Variants in STARD9 observed in about 807,000 individuals in gnomAD.
STARD9 encodes stAR-related lipid transfer protein 9.
STARD9 carries 346 observed loss-of-function variants against 399.8 expected under a neutral mutation model. The ratio of observed to expected loss-of-function variants is 0.87; its 90% CI spans 0.79 to 0.95. The LOEUF (loss-of-function observed/expected upper bound fraction) is 0.95. Ranked by LOEUF, STARD9 falls within the 40% of genes least tolerant of loss-of-function variation. The pLI, the probability that STARD9 is intolerant of heterozygous loss-of-function variation, is 0.00. For synonymous variants in STARD9, 2,203 were observed against 2,143.5 expected (o/e 1.03, Z -0.77); for missense variants, 5,832 against 5,667.5 (o/e 1.03, Z -0.93).
chr15:42,685,227 G>T lies in STARD9; in HGVS notation c.3649G>T (p.Asp1217Tyr). The T allele has an allele frequency of 6.5e-7, 1 of 1,537,312 alleles. No individual in the cohort carries two copies. The highest frequency in any genetic ancestry group is 1.2e-5 in the South Asian group (1 of 84,056). ...LIDAEEELGE[D>Y]QQEEPFPGSA... ...TGATGCAGAGGAAGAACTGGGGGAA[G>T]ATCAGCAAGAAGAACCTTTCCCTGG... Residue 1217 changes from aspartate (D) to tyrosine (Y), a missense_variant, in exon 23 of 33, where the codon GAT (aspartate) becomes TAT (tyrosine). Asp to Tyr is a radical substitution (Grantham distance 160). Coordinates refer to ENST00000290607, the MANE Select transcript of STARD9 (RefSeq NM_020759.3).
At position 42,690,596 on chromosome 15, in the gene STARD9, A is replaced by T; in HGVS notation, c.9018A>T (p.Glu3006Asp). Residue 3006 changes from glutamate to aspartate, a missense_variant, in exon 23 of 33, where the codon GAA becomes GAT. Around this residue, in one of 2 missense-constraint regions of STARD9, gnomAD observed 5,828 missense variants for 5,651.1 expected, o/e 1.03. Coordinates refer to ENST00000290607, the MANE Select transcript of STARD9 (RefSeq NM_020759.3). Reference sequence around the variant, plus strand: ...GTGTAGTACCTTCCAGGGCCTATGAAATGGATGAGACAGGAGAGATCTCTA... The same window carrying T: ...GTGTAGTACCTTCCAGGGCCTATGATATGGATGAGACAGGAGAGATCTCTA... ...PPCVVPSRAY[E>D]MDETGEISRG... The T allele has an allele frequency of 6.5e-7, 1 of 1,537,208 alleles. No homozygotes were observed. The highest frequency in any genetic ancestry group is 8.7e-7 in the Non-Finnish European group (1 of 1,146,904).
chr15:42,646,540 A>C (rs544743742), intron 7 of STARD9, among the ~76,000 whole-genome samples: 1 of 152,138 alleles, frequency 6.6e-6, no homozygotes, highest in East Asian at 1.9e-4. Flanking sequence ...CAGCTTCTTC[A>C]CTTCTCTCAG....
chr15:42,701,417 C>T (rs2060961311), intron 26 of STARD9, among the ~76,000 whole-genome samples: 1 of 152,152 alleles, frequency 6.6e-6, no homozygotes, highest in Non-Finnish European at 1.5e-5. Context: ...TAATTTCTTT[C>T]ATCCGTGTTT....
chr15:42,675,596 C>T, intron 18 of STARD9, 68 bp from the exon 19 acceptor site: 1 of 1,210,914 alleles, frequency 8.3e-7, no homozygotes, highest in Admixed American at 2.0e-5. Flanking sequence ...CAGAGCAGTG[C>T]CGTACACATA....
chr15:42,634,374 A>G (rs1459534393), intron 3 of STARD9, among the ~76,000 whole-genome samples: 2 of 152,128 alleles, frequency 1.3e-5, no homozygotes, highest in Non-Finnish European at 2.9e-5. Flanking sequence ...CTGAGGAGGG[A>G]GTGTGTAGAA....
intron 26 of STARD9, among the ~76,000 whole-genome samples, chr15:42,712,084 T>TATATATATA (rs2061239291): frequency 2.4e-5 from 1 of 42,096 alleles, no homozygotes; most frequent in Non-Finnish European, 3.5e-5. Context: ...ATATATATTA[T>TATATATATA]ATATATATAT....
intron 1 of STARD9, chr15:42,581,534 G>C: frequency 1.5e-6 from 2 of 1,307,206 alleles, no homozygotes; most frequent in Non-Finnish European, 2.1e-6. Context: ...GTAGGCGGCG[G>C]CGCCGGGCCG....
At chr15:42,619,450 A>G (rs1362200569) in intron 3 of STARD9, among the ~76,000 whole-genome samples, 1 of 151,968 alleles carries the variant, frequency 6.6e-6, no homozygotes, top group African/African-American at 2.4e-5. Flanking sequence ...CTGTAGTCCC[A>G]GCTACTTGAG....
At chr15:42,618,293 T>G (rs2059014166) in intron 3 of STARD9, among the ~76,000 whole-genome samples, 2 of 151,732 alleles carry the variant, frequency 1.3e-5, no homozygotes, top group Non-Finnish European at 2.9e-5. Flanking sequence ...CCACCACACC[T>G]GGCTAATTTT....
intron 17 of STARD9, 31 bp downstream of exon 17, chr15:42,674,522 T>C (rs2060269650): frequency 6.5e-7 from 1 of 1,529,992 alleles, no homozygotes; most frequent in Middle Eastern, 1.7e-4. Flanking sequence ...GTCCAGCATT[T>C]TGGGGCTAGT....
At chr15:42,600,235 G>A (rs2141744613) in intron 3 of STARD9, among the ~76,000 whole-genome samples, 1 of 152,294 alleles carries the variant, frequency 6.6e-6, no homozygotes, top group East Asian at 1.9e-4. Context: ...TGGATACTTA[G>A]TTGAGTCCAG....
chr15:42,617,398 T>C (rs77736048), intron 3 of STARD9, among the ~76,000 whole-genome samples: 1 of 152,310 alleles, frequency 6.6e-6, no homozygotes, highest in African/African-American at 2.4e-5. Context: ...GTTTTGCTCT[T>C]CTTGTCCAGG....
At chr15:42,694,879 G>C (rs1261133103) in intron 24 of STARD9, among the ~76,000 whole-genome samples, 154 bp downstream of exon 24, 1 of 151,486 alleles carries the variant, frequency 6.6e-6, no homozygotes, top group Admixed American at 6.6e-5. Context: ...GAGGGAGGGG[G>C]TGGGCAGAGA....
rs2060290485 is a variant in STARD9, at chr15:42,675,444, A to G, written c.1688-220A>G. The G allele has an allele frequency of 5.5e-6, 3 of 547,318 alleles. No homozygotes were observed. The East Asian group carries it at 9.5e-5, about 17-fold the overall frequency. 33.9% of individuals were successfully genotyped at this position (547,318 alleles called of 1,614,324 possible). ...GTGTTCCCTGACTACTCCACCTGGA[A>G]CTCAACTTCCTTTCCCTTGGAATAG... On this transcript the variant is annotated intron_variant, in intron 18 of 32. Coordinates refer to ENST00000290607, the MANE Select transcript of STARD9 (RefSeq NM_020759.3).
chr15:42,656,131 G>T (rs1423726715), intron 9 of STARD9, among the ~76,000 whole-genome samples: 1 of 151,968 alleles, frequency 6.6e-6, no homozygotes, highest in Non-Finnish European at 1.5e-5. Flanking sequence ...TGAGGCAGGT[G>T]GATCACCTGA....
At position 42,692,919 on chromosome 15, in the gene STARD9, G is replaced by A. The variant is rs1178705816; in HGVS notation, c.11341G>A (p.Val3781Ile). 1.3e-6 allele frequency: 2 copies of A among 1,537,242 alleles called. No homozygotes were observed. Among genetic ancestry groups the A allele is most frequent in the African/African-American group, 2.7e-5 (2 of 73,142 alleles). ...VSQEEGDVPG[V>I]PQKREAEETA... ...TCAAGAAGAGGGAGATGTGCCAGGG[G>A]TACCTCAGAAGAGAGAGGCAGAGGA... The change falls in exon 23 of 33, where the codon GTA becomes ATA. Residue 3781 changes from valine to isoleucine, a missense_variant. Coordinates refer to ENST00000290607, the MANE Select transcript of STARD9 (RefSeq NM_020759.3).
intron 9 of STARD9, among the ~76,000 whole-genome samples, chr15:42,654,593 C>A (rs190568619): frequency 2.6e-4 from 39 of 151,762 alleles, no homozygotes; most frequent in African/African-American, 9.2e-4. Context: ...TTTCAAGATA[C>A]AAAATTAATG....
In STARD9 at chr15:42,638,824, T is replaced by G; in HGVS notation, c.559+12T>G. On this transcript the variant is annotated intron_variant, in intron 7 of 32. Coordinates refer to ENST00000290607, the MANE Select transcript of STARD9 (RefSeq NM_020759.3). ...GCCCTATGTACAAGGTGAGCTACTG[T>G]GGTCCTGGAGATCTGAAACCAAACT... 6.7e-7 allele frequency: 1 copy of G among 1,484,578 alleles called. No homozygotes were observed. Among genetic ancestry groups the G allele is most frequent in the Non-Finnish European group, 9.0e-7 (1 of 1,106,620 alleles). 92.0% of individuals were successfully genotyped at this position (1,484,578 alleles called of 1,614,324 possible).
In STARD9 at chr15:42,649,562, C is replaced by CT. The variant is rs754040468; in HGVS notation, c.560-1440dup. ...TCCTTGAAAATATTAAGCAGAGTTACTTTTTTTTTTTTTTGAAACGAAGTT... is the reference window on the plus strand; with the variant it reads ...TCCTTGAAAATATTAAGCAGAGTTACTTTTTTTTTTTTTTTGAAACGAAGTT... On this transcript the variant is annotated intron_variant, in intron 7 of 32. Transcript: ENST00000290607. 5.9e-3 allele frequency among the ~76,000 whole-genome samples: 842 copies of CT among 143,724 alleles called. 7 individuals are homozygous for CT. The highest frequency in any genetic ancestry group is 6.3e-3 in the African/African-American group (248 of 39,482). 94.3% of individuals were successfully genotyped at this position (143,724 alleles called of 152,430 possible).
Sources: allele counts gnomAD v4.1 joint callset (sites outside exome capture counted in the v4.1 genomes callset), GRCh38; gene constraint gnomAD v4.1.1; regional missense constraint gnomAD v4.1.1; transcripts MANE v1.5; gene names NCBI Gene and HGNC (gene_info 2026-07-23, HGNC 2026-07-21).